ARMC3: variants seen among roughly 807,000 people sequenced by gnomAD.
The protein encoded by ARMC3 is armadillo repeat-containing protein 3.
Under a neutral mutation model 90.3 loss-of-function variants are expected in ARMC3, and 74 were observed. The ratio of observed to expected loss-of-function variants is 0.82; its 90% CI spans 0.68 to 0.99. The LOEUF (loss-of-function observed/expected upper bound fraction) is 0.99. Among genes scored for constraint, ARMC3 ranks in the 50% least tolerant of loss-of-function variants. The pLI is 0.00. For synonymous variants in ARMC3, 334 were observed against 361.8 expected (o/e 0.92, Z 0.87); for missense variants, 958 against 1,042.8 (o/e 0.92, Z 1.12).
chr10:22,933,125 T>C (rs1419095906), intron 2 of ARMC3, among the ~76,000 whole-genome samples: 1 of 152,166 alleles, frequency 6.6e-6, no homozygotes, highest in African/African-American at 2.4e-5. Context: ...TCAATACAGT[T>C]GGGAACAAAA....
chr10:22,984,584 A>G (rs984912882), intron 10 of ARMC3, among the ~76,000 whole-genome samples: 2 of 152,188 alleles, frequency 1.3e-5, no homozygotes, highest in Admixed American at 6.5e-5. Flanking sequence ...TAACAAAAAA[A>G]CACACTCAAA....
At chr10:22,941,710 TTGA>T (rs1186787794) in intron 2 of ARMC3, among the ~76,000 whole-genome samples, 1 of 152,208 alleles carries the variant, frequency 6.6e-6, no homozygotes, top group Non-Finnish European at 1.5e-5. Context: ...AAGTTGGAAG[TTGA>T]TGGAGTTTCC....
At chr10:22,968,600 C>T in intron 8 of ARMC3, 111 bp downstream of exon 8, 1 of 958,628 alleles carries the variant, frequency 1.0e-6, no homozygotes, top group Admixed American at 3.2e-5. Flanking sequence ...CCCCAGGTTA[C>T]AAGTGATTCT....
intron 6 of ARMC3, chr10:22,961,355 A>G (rs1393849751): frequency 6.6e-6 from 1 of 152,366 alleles, no homozygotes; most frequent in Non-Finnish European, 1.5e-5. Flanking sequence ...TAGAGGCACA[A>G]CAATTGTCTA....
In ARMC3 at chr10:23,003,274, G is replaced by A. The variant is rs144069041; in HGVS notation, c.1591G>A (p.Val531Ile). The change falls in exon 13 of 19, where the codon GTA becomes ATA. Residue 531 changes from valine (V) to isoleucine (I), a missense_variant. Transcript: ENST00000298032. ...TTTAGATATCCTTGAAGAAGTTAAC[G>A]TATCAGGAACTCGGAAAAATAAATT... Reference protein sequence around the residue: ...GALDILEEVNVSGTRKNKFSE... With the variant: ...GALDILEEVNISGTRKNKFSE... The A allele has an allele frequency of 7.3e-5, 117 of 1,612,392 alleles. 1 individual carries two copies. The African/African-American group carries it at 1.3e-3, about 17-fold the overall frequency.
chr10:22,987,102 C>T (rs1296632545), intron 10 of ARMC3, among the ~76,000 whole-genome samples: 1 of 152,164 alleles, frequency 6.6e-6, no homozygotes. Context: ...TCTTGGTATA[C>T]TGCTAATCTC....
intron 14 of ARMC3, 143 bp downstream of exon 14, chr10:23,007,124 T>C (rs1047797681): frequency 1.4e-5 from 9 of 646,304 alleles, no homozygotes; most frequent in African/African-American, 1.3e-4. Context: ...CACTGGCTCA[T>C]AAACTCATAG....
chr10:22,954,075 G>A (rs1834832012), intron 3 of ARMC3, among the ~76,000 whole-genome samples: 1 of 152,110 alleles, frequency 6.6e-6, no homozygotes, highest in Non-Finnish European at 1.5e-5. Context: ...GGTGTGAAGT[G>A]GTATCTCATT....
At chr10:23,004,948 G>A (rs577578384) in intron 13 of ARMC3, among the ~76,000 whole-genome samples, 52 of 152,150 alleles carry the variant, frequency 3.4e-4, no homozygotes, top group Non-Finnish European at 3.5e-4. Flanking sequence ...CGGGCGTGGT[G>A]GCTCACGCCT....
At chr10:23,019,931 T>C (rs1054809864) in intron 16 of ARMC3, among the ~76,000 whole-genome samples, 9 of 152,252 alleles carry the variant, frequency 5.9e-5, no homozygotes, top group Non-Finnish European at 1.3e-4. Context: ...CTCAGTGTAA[T>C]GCCTTTGAGA....
intron 11 of ARMC3, among the ~76,000 whole-genome samples, chr10:22,999,126 G>C (rs890908722): frequency 6.6e-6 from 1 of 151,444 alleles, no homozygotes; most frequent in Non-Finnish European, 1.5e-5. Flanking sequence ...ATACATGTGG[G>C]TTATTATATG....
intron 16 of ARMC3, among the ~76,000 whole-genome samples, chr10:23,018,148 G>A (rs1252977605): frequency 1.3e-5 from 2 of 152,206 alleles, no homozygotes; most frequent in Non-Finnish European, 2.9e-5. Context: ...TGCAAGTCAG[G>A]TATTAGAAAC....
Position 22,942,830 on chromosome 10 carries a change from A to C in ARMC3, c.49-3314A>C, listed in dbSNP as rs558106537. 3.3e-5 allele frequency among the ~76,000 whole-genome samples: 5 copies of C among 152,316 alleles called. No homozygotes were observed. In the East Asian group the frequency reaches 7.7e-4, roughly 24 times the overall value. On this transcript the variant is annotated intron_variant, in intron 2 of 18. Coordinates refer to ENST00000298032, the MANE Select transcript of ARMC3 (RefSeq NM_173081.5). ...ATTTCCTTAAACTGGAAAGAAAAGA[A>C]CCCAAACTGGTATATTTATATACTG...
At chr10:22,929,315 A>AGAAAG (rs144228471) in intron 1 of ARMC3, among the ~76,000 whole-genome samples, 9,750 of 150,562 alleles carry the variant, frequency 0.065, 397 homozygotes, top group Middle Eastern at 0.13. Context: ...AAAAAGAAAA[A>AGAAAG]GAAAGGAAAG....
At chr10:22,930,260 G>A (rs1833876295) in intron 1 of ARMC3, among the ~76,000 whole-genome samples, 2 of 152,016 alleles carry the variant, frequency 1.3e-5, no homozygotes, top group Non-Finnish European at 2.9e-5. Context: ...ACCTAAGGAA[G>A]ATGTTTGAGA....
chr10:22,929,665 A>G, intron 1 of ARMC3, among the ~76,000 whole-genome samples: 1 of 152,180 alleles, frequency 6.6e-6, no homozygotes, highest in South Asian at 2.1e-4. Flanking sequence ...CTCCTGCCTC[A>G]GCCTCCCCAG....
intron 16 of ARMC3, among the ~76,000 whole-genome samples, chr10:23,015,729 C>G (rs1365799912): frequency 1.3e-5 from 2 of 152,154 alleles, no homozygotes; most frequent in Non-Finnish European, 2.9e-5. Context: ...TAATTTCCCA[C>G]TACCCTCTTT....
At chr10:22,995,065 A>G (rs1181127791) in intron 10 of ARMC3, among the ~76,000 whole-genome samples, 1 of 152,232 alleles carries the variant, frequency 6.6e-6, no homozygotes, top group African/African-American at 2.4e-5. Context: ...AAAACAAAGC[A>G]GTTTGACTTC....
At position 23,032,867 on chromosome 10, in the gene ARMC3, A is replaced by G. The variant is rs1838969669; in HGVS notation, c.2253A>G (p.Val751=). Residue 751 remains valine (V), a synonymous_variant, in exon 18 of 19, where the codon GTA becomes GTG. Transcript: ENST00000298032. ...KEQIEDLAKY[V]AEKMGGKIPK... is the part of the protein sequence containing the mutation. ...CTCAATGTAATTGACACAGGTATGT[A>G]GCAGAAAAAATGGGTGGTAAGATTC... 1 of 1,611,718 alleles carries G rather than the reference A, an allele frequency of 6.2e-7. No individual in the cohort carries two copies. Among genetic ancestry groups the G allele is most frequent in the Non-Finnish European group, 8.5e-7 (1 of 1,178,988 alleles).
Sources: allele counts gnomAD v4.1 joint callset (sites outside exome capture counted in the v4.1 genomes callset), GRCh38; gene constraint gnomAD v4.1.1; transcripts MANE v1.5; gene names NCBI Gene and HGNC (gene_info 2026-07-23, HGNC 2026-07-21).